The following PHYHIPL variants were observed in gnomAD, a reference collection of about 807,000 sequenced individuals.
PHYHIPL encodes phytanoyl-CoA 2-hydroxylase interacting protein like.
Under a neutral mutation model 33.4 loss-of-function variants are expected in PHYHIPL, and 9 were observed. The ratio of observed to expected loss-of-function variants is 0.27; its 90% CI spans 0.16 to 0.47. PHYHIPL has a LOEUF of 0.47. PHYHIPL is among the 20% of genes least tolerant of loss of function. The probability of loss-of-function intolerance (pLI) is 0.99; values close to 1 mark genes in which losing one functional copy is unlikely to be tolerated. For missense variants in PHYHIPL, 365 were observed against 460.7 expected (o/e 0.79, Z 1.90); for synonymous variants, 153 against 154.1 (o/e 0.99, Z 0.05).
chr10:59,244,599 CACA>C (rs1164893508), intron 4 of PHYHIPL, among the ~76,000 whole-genome samples: 5 of 83,006 alleles, frequency 6.0e-5, no homozygotes, highest in African/African-American at 2.0e-4. Context: ...CAAAACAAAA[CACA>C]ACGCTTTTGT....
At chr10:59,202,487 A>AT (rs1454171113) in intron 1 of PHYHIPL, among the ~76,000 whole-genome samples, 3 of 152,206 alleles carry the variant, frequency 2.0e-5, no homozygotes, top group African/African-American at 7.2e-5. Context: ...TGTTCAGATA[A>AT]TTAAACCTCA....
chr10:59,235,410 A>T (rs1217128985), intron 2 of PHYHIPL, among the ~76,000 whole-genome samples: 2 of 151,828 alleles, frequency 1.3e-5, no homozygotes, highest in African/African-American at 4.8e-5. Flanking sequence ...ACTGATGATG[A>T]AAATCTGGTC....
rs539337317 is a variant in PHYHIPL, at chr10:59,239,809, A to T, written c.596+1104A>T. On this transcript the variant is annotated intron_variant, in intron 4 of 4. Transcript: ENST00000373880. The stretch of plus-strand genomic sequence containing the variant: ...AAATGGCAAATGCTATATAGGTTGT[A>T]AAACTTCTTACACAGCATTCCCTAT... Among the ~76,000 whole-genome samples, 8 of 152,150 alleles carry T rather than the reference A, an allele frequency of 5.3e-5. No homozygotes were observed. The South Asian group carries it at 1.7e-3, about 32-fold the overall frequency.
Position 59,245,429 on chromosome 10 carries a change from C to G in PHYHIPL, c.969C>G (p.His323Gln). The G allele has an allele frequency of 6.2e-7, 1 of 1,614,156 alleles. No homozygotes were observed. Among genetic ancestry groups the G allele is most frequent in the South Asian group, 1.1e-5 (1 of 91,078 alleles). ...AAGAAGATGGGGTGCTGGTTTACCA[C>G]CATGCCCAGGATGTCATTTTAGAAG... ...CTEEDGVLVY[H>Q]HAQDVILEVI... The change falls in exon 5 of 5, where the codon CAC (histidine) becomes CAG (glutamine). Residue 323 changes from histidine to glutamine, a missense_variant. Physicochemically the swap from His to Gln is conservative, Grantham distance 24. Transcript: ENST00000373880.
At chr10:59,189,788 T>A (rs1838731486) in intron 1 of PHYHIPL, among the ~76,000 whole-genome samples, 1 of 151,934 alleles carries the variant, frequency 6.6e-6, no homozygotes, top group South Asian at 2.1e-4. Context: ...TATTGAGGGT[T>A]AAAAGTAAAA....
chr10:59,230,103 C>T (rs999852997), intron 1 of PHYHIPL, among the ~76,000 whole-genome samples: 2 of 151,720 alleles, frequency 1.3e-5, no homozygotes, highest in African/African-American at 4.8e-5. Context: ...CTTTTGTACA[C>T]TTAAAATGTT....
intron 1 of PHYHIPL, chr10:59,183,602 A>G (rs765389284): frequency 2.0e-5 from 19 of 961,758 alleles, no homozygotes; most frequent in Admixed American, 6.2e-5. Context: ...AACAACAAAG[A>G]TGAAATAAAT....
chr10:59,195,373 C>A lies in PHYHIPL; in HGVS notation c.106+18414C>A, dbSNP rs561389189. Among the ~76,000 whole-genome samples the A allele has an allele frequency of 3.3e-5, 5 of 152,110 alleles. No individual in the cohort carries two copies. In the East Asian group the frequency reaches 7.7e-4, roughly 24 times the overall value. On this transcript the variant is annotated intron_variant, in intron 1 of 4. Coordinates refer to ENST00000373880, the MANE Select transcript of PHYHIPL (RefSeq NM_032439.4). ...GGAGCCTTCATAAGGAAATGAAAAC[C>A]CAAAGAAATGGGTAAAACCTATGTA...
At chr10:59,200,715 T>A (rs1839076246) in intron 1 of PHYHIPL, among the ~76,000 whole-genome samples, 2 of 152,060 alleles carry the variant, frequency 1.3e-5, no homozygotes, top group Non-Finnish European at 2.9e-5. Flanking sequence ...TAAGCTATTA[T>A]TTACTGCCTC....
chr10:59,196,932 T>C (rs1375594632), intron 1 of PHYHIPL, among the ~76,000 whole-genome samples: 1 of 152,218 alleles, frequency 6.6e-6, no homozygotes, highest in African/African-American at 2.4e-5. Flanking sequence ...TTTAACGTGA[T>C]GTTGTATATA....
chr10:59,228,044 C>T (rs914791592), intron 1 of PHYHIPL, among the ~76,000 whole-genome samples: 2 of 149,800 alleles, frequency 1.3e-5, no homozygotes, highest in African/African-American at 2.5e-5. Context: ...CACCCTAAAA[C>T]TGTAATTGGG....
At chr10:59,227,110 G>A (rs550699760) in intron 1 of PHYHIPL, among the ~76,000 whole-genome samples, 1 of 152,162 alleles carries the variant, frequency 6.6e-6, no homozygotes, top group Non-Finnish European at 1.5e-5. Context: ...AGTATTTCAA[G>A]ATGTAATTAA....
In PHYHIPL at chr10:59,236,654, G is replaced by T. The variant is rs530007000; in HGVS notation, c.475G>T (p.Ala159Ser). 1 of 1,594,668 alleles carries T rather than the reference G, an allele frequency of 6.3e-7. No individual in the cohort carries two copies. The highest frequency in any genetic ancestry group is 8.5e-7 in the Non-Finnish European group (1 of 1,170,892). Residue 159 changes from alanine to serine, a missense_variant, in exon 3 of 5, where the codon GCA (alanine) becomes TCA (serine). Ala to Ser is a moderately conservative substitution (Grantham distance 99). Around this residue, in one of 4 missense-constraint regions of PHYHIPL, gnomAD observed 63 missense variants for 119.3 expected, o/e 0.53. Coordinates refer to ENST00000373880, the MANE Select transcript of PHYHIPL (RefSeq NM_032439.4). ...EWSEIIEFCT[A>S]DYSKVHLTQL... ...GAGTGAAATTATAGAATTCTGCACCGCAGGTAAGAGAACTAGGTACAAATA... is the reference window on the plus strand; with the variant it reads ...GAGTGAAATTATAGAATTCTGCACCTCAGGTAAGAGAACTAGGTACAAATA...
At position 59,245,083 on chromosome 10, in the gene PHYHIPL, C is replaced by A. The variant is rs748844128; in HGVS notation, c.623C>A (p.Pro208Gln). The A allele has an allele frequency of 2.5e-6, 4 of 1,612,142 alleles. No homozygotes were observed. Among genetic ancestry groups the A allele is most frequent in the Non-Finnish European group, 3.4e-6 (4 of 1,179,276 alleles). ...GAACATCATGGGAATGCTATGCAGCCATCTGTCAAGGATAACAGTGGTAGC... is the reference window on the plus strand; with the variant it reads ...GAACATCATGGGAATGCTATGCAGCAATCTGTCAAGGATAACAGTGGTAGC... ...VREHHGNAMQ[P>Q]SVKDNSGSHG... is the part of the protein sequence containing the mutation. Residue 208 changes from proline to glutamine, a missense_variant, in exon 5 of 5, where the codon CCA (proline) becomes CAA (glutamine). Transcript: ENST00000373880.
At chr10:59,240,463 A>G (rs752066405) in intron 4 of PHYHIPL, among the ~76,000 whole-genome samples, 6 of 152,108 alleles carry the variant, frequency 3.9e-5, no homozygotes, top group Non-Finnish European at 8.8e-5. Context: ...ACGTTAGCCT[A>G]CAGTTGGGCA....
chr10:59,195,378 G>T (rs940925265), intron 1 of PHYHIPL, among the ~76,000 whole-genome samples: 1 of 152,136 alleles, frequency 6.6e-6, no homozygotes, highest in Non-Finnish European at 1.5e-5. Flanking sequence ...AAAACCCAAA[G>T]AAATGGGTAA....
chr10:59,212,526 T>G (rs1396923168), intron 1 of PHYHIPL, among the ~76,000 whole-genome samples: 2 of 152,170 alleles, frequency 1.3e-5, no homozygotes, highest in East Asian at 3.9e-4. Context: ...CCATTCAAAC[T>G]GTGTTCAAAT....
At chr10:59,181,311 T>C (rs2133178282) in intron 1 of PHYHIPL, among the ~76,000 whole-genome samples, 1 of 152,294 alleles carries the variant, frequency 6.6e-6, no homozygotes, top group Non-Finnish European at 1.5e-5. Flanking sequence ...TTAATTTCAG[T>C]TACATGTTAT....
chr10:59,209,745 A>G (rs921051142), intron 1 of PHYHIPL, among the ~76,000 whole-genome samples: 1 of 152,300 alleles, frequency 6.6e-6, no homozygotes, highest in South Asian at 2.1e-4. Context: ...AACAGAACAG[A>G]TGCCTCAGAA....
Sources: allele counts gnomAD v4.1 joint callset (sites outside exome capture counted in the v4.1 genomes callset), GRCh38; gene constraint gnomAD v4.1.1; regional missense constraint gnomAD v4.1.1; transcripts MANE v1.5; gene names NCBI Gene and HGNC (gene_info 2026-07-23, HGNC 2026-07-21).